The following ROBO2 variants were observed in gnomAD, a reference collection of about 807,000 sequenced individuals.
The protein encoded by ROBO2 is roundabout homolog 2.
ROBO2 carries 53 observed loss-of-function variants against 160.8 expected under a neutral mutation model. The observed-to-expected ratio is 0.33, with a 90% CI of 0.26 to 0.41. The LOEUF (loss-of-function observed/expected upper bound fraction) is 0.41, where lower values mean the gene tolerates loss of function less well. Ranked by LOEUF, ROBO2 falls within the 10% of genes least tolerant of loss-of-function variation. The pLI, the probability that ROBO2 is intolerant of heterozygous loss-of-function variation, is 1.00. For synonymous variants in ROBO2, 664 were observed against 611.7 expected (o/e 1.09, Z -1.26); for missense variants, 1,577 against 1,722.4 (o/e 0.92, Z 1.49).
chr3:76,169,684 A>G (rs1437213444), intron 2 of ROBO2, among the ~76,000 whole-genome samples: 1 of 152,174 alleles, frequency 6.6e-6, no homozygotes, highest in Non-Finnish European at 1.5e-5. Flanking sequence ...ATAAATCATA[A>G]TTTATTGATG....
intron 2 of ROBO2, among the ~76,000 whole-genome samples, chr3:76,835,265 A>G (rs552605745): frequency 6.6e-6 from 1 of 151,454 alleles, no homozygotes; most frequent in Admixed American, 6.6e-5. Flanking sequence ...AAATATTGGT[A>G]AAGCTTAGAA....
chr3:76,703,723 A>G (rs1245230142), intron 2 of ROBO2, among the ~76,000 whole-genome samples: 2 of 152,246 alleles, frequency 1.3e-5, no homozygotes, highest in East Asian at 3.9e-4. Flanking sequence ...GTAGTATTCT[A>G]TGGTATATAT....
intron 2 of ROBO2, among the ~76,000 whole-genome samples, chr3:77,166,828 G>A (rs1428240009): frequency 6.6e-6 from 1 of 152,154 alleles, no homozygotes; most frequent in African/African-American, 2.4e-5. Context: ...CAAAGTGCTG[G>A]GATTACAGGC....
At chr3:77,321,717 A>C (rs1172531570) in intron 2 of ROBO2, among the ~76,000 whole-genome samples, 1 of 152,162 alleles carries the variant, frequency 6.6e-6, no homozygotes, top group Non-Finnish European at 1.5e-5. Flanking sequence ...CAATGCCAAG[A>C]ATGAGCTATA....
At chr3:76,078,841 C>T (rs2068727137) in intron 2 of ROBO2, among the ~76,000 whole-genome samples, 1 of 152,168 alleles carries the variant, frequency 6.6e-6, no homozygotes, top group Non-Finnish European at 1.5e-5. Flanking sequence ...TACTAATTTA[C>T]ATTTCTACTA....
intron 2 of ROBO2, among the ~76,000 whole-genome samples, chr3:76,223,418 T>G (rs1033941102): frequency 6.6e-6 from 1 of 151,508 alleles, no homozygotes; most frequent in African/African-American, 2.4e-5. Context: ...TCACCCAGGG[T>G]GGGGAGGCTA....
chr3:76,452,334 C>G (rs948971312), intron 2 of ROBO2, among the ~76,000 whole-genome samples: 6 of 152,112 alleles, frequency 3.9e-5, no homozygotes, highest in Non-Finnish European at 8.8e-5. Context: ...CCCTTCCCCC[C>G]ACACAACAGT....
intron 1 of ROBO2, among the ~76,000 whole-genome samples, chr3:75,918,310 C>G (rs1946893711): frequency 6.6e-6 from 1 of 152,114 alleles, no homozygotes; most frequent in Non-Finnish European, 1.5e-5. Context: ...CCATTGCTTG[C>G]TTTTGTCAGG....
chr3:76,517,036 G>A (rs1295933956), intron 2 of ROBO2, among the ~76,000 whole-genome samples: 2 of 152,136 alleles, frequency 1.3e-5, no homozygotes, highest in Non-Finnish European at 2.9e-5. Context: ...CTTTTATCTA[G>A]GTAGTTTTGA....
chr3:76,429,415 C>T (rs2076349764), intron 2 of ROBO2, among the ~76,000 whole-genome samples: 1 of 152,102 alleles, frequency 6.6e-6, no homozygotes, highest in African/African-American at 2.4e-5. Flanking sequence ...AGAACAATTC[C>T]TAGTGCTATA....
rs1167852972 is a variant in ROBO2 at position 76,049,403 on chromosome 3, A to ATTT, written c.109+111820_109+111822dup. Among the ~76,000 whole-genome samples the ATTT allele has an allele frequency of 2.2e-3, 117 of 53,750 alleles. 3 individuals are homozygous for ATTT. Among genetic ancestry groups the ATTT allele is most frequent in the African/African-American group, 7.4e-3 (51 of 6,858 alleles). The allele number at this position is 53,750 out of a possible 152,430, so 35.3% of individuals were successfully genotyped here. On this transcript the variant is annotated intron_variant, in intron 2 of 26. Transcript: ENST00000487694. ...TTTTAGTATATATATATATATATAT[A>ATTT]TTTTTTTTTTTTTTTTTTTTTGTAG...
intron 2 of ROBO2, among the ~76,000 whole-genome samples, chr3:76,216,184 T>G (rs1019922422): frequency 3.9e-5 from 6 of 151,938 alleles, no homozygotes; most frequent in African/African-American, 1.5e-4. Context: ...AAGGAACAAC[T>G]GGTAAAAGCC....
chr3:77,353,759 C>T (rs919329319), intron 2 of ROBO2, among the ~76,000 whole-genome samples: 5 of 152,064 alleles, frequency 3.3e-5, no homozygotes, highest in African/African-American at 1.2e-4. Flanking sequence ...GATCTGCCTG[C>T]CTTGGCCTCC....
chr3:76,043,828 G>A (rs1416679153), intron 2 of ROBO2, among the ~76,000 whole-genome samples: 1 of 151,778 alleles, frequency 6.6e-6, no homozygotes, highest in Non-Finnish European at 1.5e-5. Context: ...TGGCCTTTTG[G>A]AATCCACATT....
intron 2 of ROBO2, among the ~76,000 whole-genome samples, chr3:76,475,116 A>AG (rs978562412): frequency 3.6e-5 from 5 of 137,416 alleles, no homozygotes; most frequent in African/African-American, 1.8e-4. Flanking sequence ...AGCACGGGGG[A>AG]AAAAAAGGGG....
chr3:76,524,778 G>A (rs1158896782), intron 2 of ROBO2, among the ~76,000 whole-genome samples: 1 of 120,508 alleles, frequency 8.3e-6, no homozygotes, highest in Non-Finnish European at 1.6e-5. Context: ...AAATATGCCA[G>A]GCTTTCCAGC....
intron 2 of ROBO2, among the ~76,000 whole-genome samples, chr3:76,352,847 TATAACAAA>T (rs1287643019): frequency 6.6e-6 from 1 of 152,004 alleles, no homozygotes; most frequent in Non-Finnish European, 1.5e-5. Flanking sequence ...CACAGATGGC[TATAACAAA>T]ATAACTAACA....
At chr3:76,723,242 A>G (rs1178616490) in intron 2 of ROBO2, among the ~76,000 whole-genome samples, 12 of 152,172 alleles carry the variant, frequency 7.9e-5, no homozygotes, top group Non-Finnish European at 1.0e-4. Context: ...AAAATATGCT[A>G]TTAAGGTAAG....
chr3:77,178,494 C>T (rs1454589833), intron 2 of ROBO2, among the ~76,000 whole-genome samples: 1 of 151,904 alleles, frequency 6.6e-6, no homozygotes, highest in Non-Finnish European at 1.5e-5. Context: ...AATATATGCT[C>T]GCGAATAGAT....
Sources: gnomAD v4.1 joint callset for allele counts (sites outside exome capture counted in the v4.1 genomes callset) on GRCh38, gnomAD v4.1.1 for gene constraint, MANE v1.5 for transcripts, NCBI Gene and HGNC (gene_info 2026-07-23, HGNC 2026-07-21) for gene names.